PCDHGA6: variants seen among roughly 807,000 people sequenced by gnomAD.
The protein encoded by PCDHGA6 is protocadherin gamma-A6.
PCDHGA6 carries 41 observed loss-of-function variants against 60.6 expected under a neutral mutation model. The ratio of observed to expected loss-of-function variants is 0.68; its 90% CI spans 0.53 to 0.88. PCDHGA6 has a LOEUF of 0.88. PCDHGA6 is among the 40% of genes least tolerant of loss of function. The probability of loss-of-function intolerance (pLI) is 0.00; values close to 1 mark genes in which losing one functional copy is unlikely to be tolerated. For missense variants in PCDHGA6, 1,312 were observed against 1,203.0 expected, an observed-to-expected ratio of 1.09 and a Z score of -1.34; for synonymous variants, 594 against 524.4, an observed-to-expected ratio of 1.13 and a Z score of -1.81.
chr5:141,393,950 T>C (rs1203228447), intron 1 of PCDHGA6: 1 of 1,613,996 alleles, frequency 6.2e-7, no homozygotes, highest in Non-Finnish European at 8.5e-7. Context: ...CTGGAAAGAA[T>C]GGTCAAGTTG....
Position 141,469,573 on chromosome 5 carries a change from C to CTAAA in PCDHGA6, c.2425-25217_2425-25214dup, listed in dbSNP as rs1209972534. Among the ~76,000 whole-genome samples the CTAAA allele has an allele frequency of 1.4e-4, 21 of 151,674 alleles. No individual in the cohort carries two copies. In the East Asian group the frequency reaches 2.3e-3, roughly 17 times the overall value. On this transcript the variant is annotated intron_variant, in intron 1 of 3. Coordinates refer to ENST00000517434, the MANE Select transcript of PCDHGA6 (RefSeq NM_018919.3). ...CTGGCGACAGAGTGAGACTCTGTCT[C>CTAAA]TAAATAAATAAATAAATAAAACAAA...
chr5:141,413,398 A>G lies in PCDHGA6; in HGVS notation c.2424+36891A>G, dbSNP rs780416951. The G allele has an allele frequency of 1.9e-5, 30 of 1,613,944 alleles. No homozygotes were observed. Among genetic ancestry groups the G allele is most frequent in the African/African-American group, 4.0e-5 (3 of 74,960 alleles). Reference sequence around the variant, plus strand: ...CGGAGTCCGCATAGTCTCCAGAGGTAGGACGCAGCTTTTCTCTCTGAACCC... The same window carrying G: ...CGGAGTCCGCATAGTCTCCAGAGGTGGGACGCAGCTTTTCTCTCTGAACCC... On this transcript the variant is annotated intron_variant, in intron 1 of 3. Transcript: ENST00000517434.
At position 141,376,167 on chromosome 5, in the gene PCDHGA6, T is replaced by C. The variant is rs1772357284; in HGVS notation, c.2084T>C (p.Val695Ala). 3.1e-6 allele frequency: 5 copies of C among 1,614,124 alleles called. No homozygotes were observed. The highest frequency in any genetic ancestry group is 2.2e-5 in the East Asian group (1 of 44,884). ...NDSDLTLYLV[V>A]AVAAVSCVFL... ...TCGGACCTCACTCTGTACCTGGTGG[T>C]GGCGGTGGCCGCGGTCTCCTGCGTC... Residue 695 changes from valine (V) to alanine (A), a missense_variant, in exon 1 of 4, where the codon GTG (valine) becomes GCG (alanine). Physicochemically the swap from Val to Ala is moderately conservative, Grantham distance 64 (BLOSUM62 0). Transcript: ENST00000517434.
chr5:141,478,045 T>A, intron 1 of PCDHGA6: 1 of 1,614,144 alleles, frequency 6.2e-7, no homozygotes, highest in Non-Finnish European at 8.5e-7. Context: ...CCAGGCAGAC[T>A]CTCACGGTCT....
chr5:141,455,162 T>G (rs1002208156), intron 1 of PCDHGA6, among the ~76,000 whole-genome samples: 5 of 150,972 alleles, frequency 3.3e-5, no homozygotes, highest in African/African-American at 7.3e-5. Context: ...GTTTGTTGGT[T>G]TTTTTTTTAG....
At chr5:141,422,665 C>T in intron 1 of PCDHGA6, 2 of 1,608,390 alleles carry the variant, frequency 1.2e-6, no homozygotes, top group Non-Finnish European at 8.5e-7. Context: ...CGCCCTCGAC[C>T]CGGACAGCAA....
At position 141,408,231 on chromosome 5, in the gene PCDHGA6, G is replaced by C. The variant is rs775180708; in HGVS notation, c.2424+31724G>C. 1.0e-5 allele frequency: 16 copies of C among 1,567,976 alleles called. No individual in the cohort carries two copies. The highest frequency in any genetic ancestry group is 1.2e-5 in the Non-Finnish European group (14 of 1,156,162). ...GGAGGGAGCTGCGCGCAGAGGCGCC[G>C]GGCCGGCCCGCGGCAGGTGCTATTT... is the stretch of plus-strand genomic sequence containing the variant. On this transcript the variant is annotated intron_variant, in intron 1 of 3. Transcript: ENST00000517434.
At position 141,430,917 on chromosome 5, in the gene PCDHGA6, G is replaced by A. The variant is rs2097324810; in HGVS notation, c.2424+54410G>A. ...GTGGGCGACATCTCCAGGGACCTGG[G>A]GCTGGAGCCCCGGGAGCTCGCGGAG... On this transcript the variant is annotated intron_variant, in intron 1 of 3. Coordinates refer to ENST00000517434, the MANE Select transcript of PCDHGA6 (RefSeq NM_018919.3). The A allele has an allele frequency of 1.9e-6, 3 of 1,607,956 alleles. No individual in the cohort carries two copies. The highest frequency in any genetic ancestry group is 2.5e-6 in the Non-Finnish European group (3 of 1,177,520).
chr5:141,395,259 C>A, intron 1 of PCDHGA6: 1 of 1,551,968 alleles, frequency 6.4e-7, no homozygotes, highest in South Asian at 1.2e-5. Context: ...TCTTTGCTTG[C>A]TTTTAATTTC....
In PCDHGA6 at chr5:141,375,949, C is replaced by A; in HGVS notation, c.1866C>A (p.His622Gln). ...CAGGACTTTTCTCAGTGGGCCTGCA[C>A]ACGGGCGAGGTGCGCACGGCGCGCG... Reference protein sequence around the residue: ...SEPGLFSVGLHTGEVRTARAL... With the variant: ...SEPGLFSVGLQTGEVRTARAL... The change falls in exon 1 of 4, where the codon CAC (histidine) becomes CAA (glutamine). Residue 622 changes from histidine (H) to glutamine (Q), a missense_variant. Transcript: ENST00000517434. 6.2e-7 allele frequency: 1 copy of A among 1,613,568 alleles called. No individual in the cohort carries two copies. The highest frequency in any genetic ancestry group is 8.5e-7 in the Non-Finnish European group (1 of 1,179,946).
At chr5:141,404,769 A>C (rs528627644) in intron 1 of PCDHGA6, 1 of 1,611,124 alleles carries the variant, frequency 6.2e-7, no homozygotes, top group South Asian at 1.1e-5. Context: ...TGGCTCTCCT[A>C]CCGCCTATTC....
chr5:141,470,986 G>T (rs1215610104), intron 1 of PCDHGA6, among the ~76,000 whole-genome samples: 1 of 151,540 alleles, frequency 6.6e-6, no homozygotes, highest in Non-Finnish European at 1.5e-5. Flanking sequence ...CAAAGTGCTG[G>T]GACTACAGGC....
Position 141,375,239 on chromosome 5 carries a change from A to G in PCDHGA6, c.1156A>G (p.Ile386Val). Residue 386 changes from isoleucine (I) to valine (V), a missense_variant, in exon 1 of 4, where the codon ATC becomes GTC. By Grantham distance (29) the Ile-to-Val change is conservative. Transcript: ENST00000517434. The part of the protein sequence containing the change: ...SGLNGLVTCS[I>V]PRSLPFELEK... ...CCTGAATGGCCTGGTAACCTGTTCC[A>G]TCCCGAGAAGTCTCCCATTTGAATT... The G allele has an allele frequency of 1.2e-6, 2 of 1,613,974 alleles. No individual in the cohort carries two copies. Among genetic ancestry groups the G allele is most frequent in the Admixed American group, 1.7e-5 (1 of 60,032 alleles).
intron 1 of PCDHGA6, among the ~76,000 whole-genome samples, chr5:141,443,679 A>G (rs1158105871): frequency 6.6e-6 from 1 of 152,268 alleles, no homozygotes; most frequent in African/African-American, 2.4e-5. Flanking sequence ...AGTAGTTTAC[A>G]AACACTTCAA....
At chr5:141,446,035 A>G (rs1300621298) in intron 1 of PCDHGA6, among the ~76,000 whole-genome samples, 1 of 152,222 alleles carries the variant, frequency 6.6e-6, no homozygotes, top group Non-Finnish European at 1.5e-5. Context: ...CTGGTAAGAA[A>G]TGGAAGAAGA....
intron 1 of PCDHGA6, chr5:141,383,589 G>A (rs1199547727): frequency 1.2e-6 from 2 of 1,613,716 alleles, no homozygotes; most frequent in Admixed American, 3.3e-5. Context: ...ACATCCAGGT[G>A]ACAGTGGTGG....
At chr5:141,399,053 A>G (rs2093744168) in intron 1 of PCDHGA6, 2 of 1,613,630 alleles carry the variant, frequency 1.2e-6, no homozygotes, top group East Asian at 2.2e-5. Context: ...GAAGAGACCA[A>G]GGAATATTCA....
intron 1 of PCDHGA6, chr5:141,433,010 C>A (rs1392666523): frequency 6.2e-7 from 1 of 1,614,178 alleles, no homozygotes. Flanking sequence ...GGCTTTCCTG[C>A]AGACCTATTC....
intron 1 of PCDHGA6, among the ~76,000 whole-genome samples, chr5:141,445,554 C>T (rs898901856): frequency 3.3e-5 from 5 of 152,102 alleles, no homozygotes; most frequent in African/African-American, 1.2e-4. Context: ...TACAAAAGCA[C>T]TAAGAGAAAG....
Sources: gnomAD v4.1 joint callset for allele counts (sites outside exome capture counted in the v4.1 genomes callset) on GRCh38, gnomAD v4.1.1 for gene constraint, MANE v1.5 for transcripts, NCBI Gene and HGNC (gene_info 2026-07-23, HGNC 2026-07-21) for gene names.